Variants in ZNF880 observed in about 807,000 individuals in gnomAD.
ZNF880 encodes zinc finger protein LOC400713.
Under a neutral mutation model 11.8 loss-of-function variants are expected in ZNF880, and 12 were observed. The ratio of observed to expected loss-of-function variants is 1.02; its 90% CI spans 0.65 to 1.65. ZNF880 has a LOEUF of 1.65. Ranked by LOEUF, ZNF880 falls within the 40% of genes most tolerant of loss-of-function variation. The pLI is 0.00. For missense variants in ZNF880, 601 were observed against 673.9 expected (o/e 0.89, Z 1.20); for synonymous variants, 210 against 232.4 (o/e 0.90, Z 0.88).
intron 3 of ZNF880, among the ~76,000 whole-genome samples, chr19:52,379,150 T>C (rs1313103549): frequency 1.3e-5 from 2 of 152,132 alleles, no homozygotes; most frequent in Non-Finnish European, 2.9e-5. Flanking sequence ...TGGTACTCTT[T>C]GTCTTCTTTG....
chr19:52,387,441 T>C (rs1986913564), downstream of ZNF880, among the ~76,000 whole-genome samples: 4 of 119,704 alleles, frequency 3.3e-5, no homozygotes, highest in South Asian at 1.0e-3. Flanking sequence ...AATACAAATA[T>C]ATGACAAATA....
At chr19:52,374,541 C>A in intron 3 of ZNF880, 114 bp downstream of exon 3, 2 of 1,296,456 alleles carry the variant, frequency 1.5e-6, no homozygotes, top group Non-Finnish European at 2.2e-6. Context: ...GCAATCGTGG[C>A]TTAACTCATA....
Position 52,384,152 on chromosome 19 carries a change from A to C in ZNF880, c.572A>C (p.Lys191Thr), listed in dbSNP as rs1986784013. 1 of 1,606,986 alleles carries C rather than the reference A, an allele frequency of 6.2e-7. No individual in the cohort carries two copies. Among genetic ancestry groups the C allele is most frequent in the Non-Finnish European group, 8.5e-7 (1 of 1,176,398 alleles). The stretch of plus-strand genomic sequence containing the variant: ...CCGTGTGAATGTAATGAGCATGGCA[A>C]AGCCTTTAGAGTGTCTTCAAGACTT... ...EKPCECNEHG[K>T]AFRVSSRLAN... The change falls in exon 4 of 4, where the codon AAA becomes ACA. Residue 191 changes from lysine (K) to threonine (T), a missense_variant. This residue lies in a region of ZNF880 where 420 missense variants were observed against 442.6 expected (regional missense o/e 0.95). Coordinates refer to ENST00000422689, the MANE Select transcript of ZNF880 (RefSeq NM_001145434.2).
chr19:52,372,992 A>C (rs1490683593), intron 1 of ZNF880, 119 bp from the exon 2 acceptor site: 1 of 893,330 alleles, frequency 1.1e-6, no homozygotes, highest in East Asian at 2.7e-5. Flanking sequence ...ACATATAACT[A>C]GCTAAAAAAA....
At chr19:52,368,080 C>G (rs2122327903), upstream of ZNF880, among the ~76,000 whole-genome samples, 1 of 151,714 alleles carries the variant, frequency 6.6e-6, no homozygotes, top group South Asian at 2.1e-4. Flanking sequence ...GTGGTGTGCA[C>G]CTGTAATCCC....
intron 3 of ZNF880, among the ~76,000 whole-genome samples, chr19:52,378,115 A>T (rs1414941905): frequency 6.6e-6 from 1 of 152,134 alleles, no homozygotes; most frequent in Non-Finnish European, 1.5e-5. Flanking sequence ...CAGTCCAGGG[A>T]ACCTACAGAG....
intron 3 of ZNF880, among the ~76,000 whole-genome samples, chr19:52,376,604 AG>A (rs1233942805): frequency 7.3e-6 from 1 of 136,426 alleles, no homozygotes; most frequent in African/African-American, 2.8e-5. Context: ...CCACCTCCCG[AG>A]TTCAAGCAAT....
Position 52,384,901 on chromosome 19 carries a change from T to C in ZNF880, c.1321T>C (p.Cys441Arg). ...TGEKPYKCKE[C>R]AKVFRHRLSL... ...AGAGAAACCTTACAAATGTAAAGAA[T>C]GTGCCAAGGTCTTCAGGCATAGATT... The change falls in exon 4 of 4, where the codon TGT (cysteine) becomes CGT (arginine). Residue 441 changes from cysteine (C) to arginine (R), a missense_variant. Cys to Arg is a radical substitution (Grantham distance 180). Around this residue, in one of 3 missense-constraint regions of ZNF880, gnomAD observed 177 missense variants for 214.5 expected, o/e 0.83. Coordinates refer to ENST00000422689, the MANE Select transcript of ZNF880 (RefSeq NM_001145434.2). The C allele has an allele frequency of 6.2e-7, 1 of 1,608,084 alleles. No individual in the cohort carries two copies. The highest frequency in any genetic ancestry group is 8.5e-7 in the Non-Finnish European group (1 of 1,176,950).
At chr19:52,388,282 C>CTTTTTTTTTTTTTTTTTTTTTTTTTTT (rs68179783), downstream of ZNF880, among the ~76,000 whole-genome samples, 3 of 63,424 alleles carry the variant, frequency 4.7e-5, no homozygotes, top group Non-Finnish European at 7.9e-5. Flanking sequence ...GCAATTTGAA[C>CTTTTTTTTTTTTTTTTTTTTTTTTTTT]TTTTTTTTTT....
chr19:52,379,513 G>A (rs747028266), intron 3 of ZNF880: 10 of 443,858 alleles, frequency 2.3e-5, no homozygotes, highest in Admixed American at 4.9e-5. Flanking sequence ...CTTCTGCATC[G>A]GCCTCCCCAA....
chr19:52,392,302 CTT>C, the ZNF880 span, among the ~76,000 whole-genome samples: 4 of 149,032 alleles, frequency 2.7e-5, no homozygotes, highest in Non-Finnish European at 5.9e-5. Flanking sequence ...TTCTCTCTCT[CTT>C]TCTTTTCTTT....
downstream of ZNF880, chr19:52,389,281 G>C (rs938686699): frequency 6.6e-6 from 1 of 152,202 alleles, no homozygotes; most frequent in African/African-American, 2.4e-5. Flanking sequence ...TCTGAGACAA[G>C]CAAGTCTCTT....
chr19:52,378,540 G>A (rs1411210060), intron 3 of ZNF880, among the ~76,000 whole-genome samples: 2 of 150,996 alleles, frequency 1.3e-5, no homozygotes, highest in East Asian at 2.0e-4. Context: ...CCAGCTACTC[G>A]GGAGGCTGAG....
rs777891763 is a variant in ZNF880, at chr19:52,384,179, C to G, written c.599C>G (p.Ala200Gly). 3.0e-5 allele frequency: 48 copies of G among 1,610,268 alleles called. No individual in the cohort carries two copies. The East Asian group carries it at 9.8e-4, about 33-fold the overall frequency. Residue 200 changes from alanine (A) to glycine (G), a missense_variant, in exon 4 of 4, where the codon GCT becomes GGT. Physicochemically the swap from Ala to Gly is moderately conservative, Grantham distance 60. Transcript: ENST00000422689. The part of the protein sequence containing the change: ...GKAFRVSSRL[A>G]NNQVIHTADN... Reference sequence around the variant, plus strand: ...GCCTTTAGAGTGTCTTCAAGACTTGCTAACAATCAAGTAATCCACACTGCA... The same window carrying G: ...GCCTTTAGAGTGTCTTCAAGACTTGGTAACAATCAAGTAATCCACACTGCA...
At position 52,383,850 on chromosome 19, in the gene ZNF880, G is replaced by C. The variant is rs750836892; in HGVS notation, c.270G>C (p.Glu90Asp). ...TCCACTTTTTTCTTTCTTTTTTAGA[G>C]AGCAGCTCTAAATTGGGAAGCAATG... The part of the protein sequence containing the change: ...GRECIKGVNA[E>D]SSSKLGSNAG... Residue 90 changes from glutamate (E) to aspartate (D), a missense_variant and splice_region_variant, in exon 4 of 4, where the codon GAG becomes GAC. By Grantham distance (45) the Glu-to-Asp change is conservative. This residue lies in a region of ZNF880 where 420 missense variants were observed against 442.6 expected (regional missense o/e 0.95). Coordinates refer to ENST00000422689, the MANE Select transcript of ZNF880 (RefSeq NM_001145434.2). 2.2e-5 allele frequency: 34 copies of C among 1,531,400 alleles called. No homozygotes were observed. Among genetic ancestry groups the C allele is most frequent in the Non-Finnish European group, 2.9e-5 (33 of 1,141,000 alleles). The allele number at this position is 1,531,400 out of a possible 1,614,324, so 94.9% of individuals were successfully genotyped here. A position where few individuals can be genotyped will look rare whatever the true frequency, so the allele number is the denominator to read the frequency against.
In ZNF880 at chr19:52,374,370, G is replaced by A. The variant is rs767644199; in HGVS notation, c.211G>A (p.Glu71Lys). 62 of 1,613,318 alleles carry A rather than the reference G, an allele frequency of 3.8e-5. No individual in the cohort carries two copies. Among genetic ancestry groups the A allele is most frequent in the Non-Finnish European group, 5.3e-5 (62 of 1,179,728 alleles). Residue 71 changes from glutamate to lysine, a missense_variant, in exon 3 of 4, where the codon GAA becomes AAA. This residue lies in a region of ZNF880 where 420 missense variants were observed against 442.6 expected (regional missense o/e 0.95). Coordinates refer to ENST00000422689, the MANE Select transcript of ZNF880 (RefSeq NM_001145434.2). ...QRRDPRNLQS[E>K]VKIANNPGGR... is the part of the protein sequence containing the mutation. ...GAGAGATCCCCGGAATCTGCAGAGT[G>A]AAGTGAAAATAGCAAACAATCCAGG...
upstream of ZNF880, chr19:52,369,853 C>T: frequency 2.2e-6 from 3 of 1,375,622 alleles, no homozygotes; most frequent in South Asian, 1.2e-5. Flanking sequence ...GGGAGCGAGG[C>T]GGAGGGAAGC....
downstream of ZNF880, chr19:52,389,779 C>A (rs532990864): frequency 6.6e-6 from 1 of 152,308 alleles, no homozygotes; most frequent in African/African-American, 2.4e-5. Context: ...TCCATGAGGG[C>A]TCCGCCCCTG....
chr19:52,367,017 T>C (rs1986133940), upstream of ZNF880: 5 of 416,032 alleles, frequency 1.2e-5, no homozygotes, highest in South Asian at 3.4e-4. Context: ...TAGCATATTC[T>C]TGAGTAGGAT....
Sources: gnomAD v4.1 joint callset for allele counts (sites outside exome capture counted in the v4.1 genomes callset) on GRCh38, gnomAD v4.1.1 for gene constraint, gnomAD v4.1.1 regional missense constraint, MANE v1.5 for transcripts, NCBI Gene and HGNC (gene_info 2026-07-23, HGNC 2026-07-21) for gene names.